Variants in POLDIP3 observed in about 807,000 individuals in gnomAD.
POLDIP3 encodes the protein DNA polymerase delta interacting protein 3.
A neutral mutation model predicts 45.1 loss-of-function variants in POLDIP3; 14 were observed. The observed-to-expected ratio is 0.31, with a 90% CI of 0.20 to 0.49. The LOEUF (loss-of-function observed/expected upper bound fraction) is 0.49, where lower values mean the gene tolerates loss of function less well. Among genes scored for constraint, POLDIP3 ranks in the 20% least tolerant of loss-of-function variants. The pLI is 0.99. For synonymous variants in POLDIP3, 223 were observed against 205.2 expected (o/e 1.09, Z -0.74); for missense variants, 511 against 538.8 (o/e 0.95, Z 0.51).
At chr22:42,589,336 A>C (rs577597317) in intron 7 of POLDIP3, among the ~76,000 whole-genome samples, 1 of 152,354 alleles carries the variant, frequency 6.6e-6, no homozygotes, top group African/African-American at 2.4e-5. Context: ...AGCTATTAGT[A>C]ATATAAAATG....
intron 6 of POLDIP3, among the ~76,000 whole-genome samples, chr22:42,594,755 C>A (rs1925879889): frequency 6.6e-6 from 1 of 152,202 alleles, no homozygotes; most frequent in Non-Finnish European, 1.5e-5. Context: ...ACAGGTTTTG[C>A]CCATGACTGC....
intron 4 of POLDIP3, 125 bp from the exon 5 acceptor site, chr22:42,596,490 G>C: frequency 1.0e-6 from 1 of 984,758 alleles, no homozygotes; most frequent in Non-Finnish European, 1.5e-6. Flanking sequence ...AATTCTATTA[G>C]AGGTCTGGAG....
intron 1 of POLDIP3, among the ~76,000 whole-genome samples, chr22:42,612,300 G>A (rs547623306): frequency 6.6e-6 from 1 of 152,276 alleles, no homozygotes; most frequent in East Asian, 1.9e-4. Flanking sequence ...ACCTAATAAA[G>A]TAGATATTAC....
At chr22:42,593,436 T>C (rs546194485) in intron 6 of POLDIP3, among the ~76,000 whole-genome samples, 1 of 152,356 alleles carries the variant, frequency 6.6e-6, no homozygotes, top group South Asian at 2.1e-4. Flanking sequence ...CACCATTATG[T>C]ATCTTCCAAG....
At chr22:42,607,237 G>C (rs959405335) in intron 1 of POLDIP3, among the ~76,000 whole-genome samples, 2 of 152,326 alleles carry the variant, frequency 1.3e-5, no homozygotes, top group Admixed American at 6.5e-5. Flanking sequence ...TCAGCCTGCC[G>C]AGTGCCTGGG....
At chr22:42,595,695 C>A in intron 5 of POLDIP3, 81 bp from the exon 6 acceptor site, 1 of 1,293,590 alleles carries the variant, frequency 7.7e-7, no homozygotes, top group East Asian at 2.3e-5. Context: ...AGGCACGTGA[C>A]TAGGAAGGCC....
At chr22:42,593,386 A>G (rs572578148) in intron 6 of POLDIP3, among the ~76,000 whole-genome samples, 89 of 152,228 alleles carry the variant, frequency 5.8e-4, no homozygotes, top group African/African-American at 2.0e-3. Flanking sequence ...ATTACTAGCA[A>G]TTTCCCCTGA....
At chr22:42,594,384 G>A (rs1214833243) in intron 6 of POLDIP3, among the ~76,000 whole-genome samples, 2 of 152,150 alleles carry the variant, frequency 1.3e-5, no homozygotes, top group East Asian at 1.9e-4. Context: ...AGTGGCAGGC[G>A]CCTCTAATCC....
At position 42,603,074 on chromosome 22, in the gene POLDIP3, G is replaced by A. The variant is rs756805906; in HGVS notation, c.146C>T (p.Thr49Ile). 5 of 1,614,070 alleles carry A rather than the reference G, an allele frequency of 3.1e-6. No individual in the cohort carries two copies. The Admixed American group carries it at 5.0e-5, about 16-fold the overall frequency. Residue 49 changes from threonine (T) to isoleucine (I), a missense_variant, in exon 2 of 9, where the codon ACC (threonine) becomes ATC (isoleucine). Physicochemically the swap from Thr to Ile is moderately conservative, Grantham distance 89. Transcript: ENST00000252115. Reference protein sequence around the residue: ...GLLSQSTRTATFQQRFDARQK... With the variant: ...GLLSQSTRTAIFQQRFDARQK... ...CCGGGCATCAAATCTCTGCTGGAAG[G>A]TGGCTGTGCGTGTTGACTGGCTGAG...
At position 42,610,253 on chromosome 22, in the gene POLDIP3, G is replaced by A. The variant is rs147611733; in HGVS notation, c.59+4546C>T. ...GATGTTTCATTTTAAAACATAATTC[G>A]TTCCCTAGAGTTATGTAATAACTCA... On this transcript the variant is annotated intron_variant, in intron 1 of 8. Transcript: ENST00000252115. Among the ~76,000 whole-genome samples the A allele has an allele frequency of 6.9e-3, 1,058 of 152,250 alleles. 13 individuals carry two copies. Among genetic ancestry groups the A allele is most frequent in the African/African-American group, 0.024 (1,009 of 41,526 alleles).
rs369338847 is a variant in POLDIP3 at position 42,596,297 on chromosome 22, A to G, written c.702T>C (p.Asp234=). 6.2e-7 allele frequency: 1 copy of G among 1,614,104 alleles called. No homozygotes were observed. The highest frequency in any genetic ancestry group is 1.1e-5 in the South Asian group (1 of 91,080). Residue 234 remains aspartate, a synonymous_variant, in exon 5 of 9, where the codon GAT becomes GAC. Transcript: ENST00000252115. Reference sequence around the variant, plus strand: ...AAGGGAGAGCAGGAGCTGTGTATGCATCATTCTGAACCACTTTGGTGAGAG... The same window carrying G: ...AAGGGAGAGCAGGAGCTGTGTATGCGTCATTCTGAACCACTTTGGTGAGAG... ...ALPLTKVVQN[D]AYTAPALPSS...
chr22:42,602,118 G>A (rs747636841), intron 2 of POLDIP3, 62 bp from the exon 3 acceptor site: 20 of 1,610,350 alleles, frequency 1.2e-5, no homozygotes, highest in African/African-American at 5.3e-5. Flanking sequence ...CTAGAAGAAG[G>A]GGGTTACTGA....
intron 1 of POLDIP3, among the ~76,000 whole-genome samples, chr22:42,609,901 G>A (rs1044382919): frequency 6.6e-6 from 1 of 152,186 alleles, no homozygotes; most frequent in Non-Finnish European, 1.5e-5. Context: ...GCTGGGCGAG[G>A]TGGCTCACGC....
intron 5 of POLDIP3, among the ~76,000 whole-genome samples, 176 bp from the exon 6 acceptor site, chr22:42,595,790 A>G (rs1188778659): frequency 6.6e-6 from 1 of 152,136 alleles, no homozygotes; most frequent in Non-Finnish European, 1.5e-5. Context: ...CTATGCTAAA[A>G]GCATGGACCC....
chr22:42,601,465 T>G (rs991609957), intron 3 of POLDIP3, among the ~76,000 whole-genome samples: 2 of 151,920 alleles, frequency 1.3e-5, no homozygotes, highest in African/African-American at 2.4e-5. Flanking sequence ...CTTCCTCTAT[T>G]AAGAAGTTTC....
At chr22:42,595,841 C>CCT (rs1925951462) in intron 5 of POLDIP3, among the ~76,000 whole-genome samples, 1 of 152,236 alleles carries the variant, frequency 6.6e-6, no homozygotes, top group South Asian at 2.1e-4. Context: ...AGGCCCTGAG[C>CCT]CTCTACCTGG....
intron 4 of POLDIP3, chr22:42,597,780 C>CTTTTTTTTTTTTTT: frequency 2.6e-6 from 1 of 391,966 alleles, no homozygotes; most frequent in Non-Finnish European, 5.0e-6. Flanking sequence ...TTCACGACCT[C>CTTTTTTTTTTTTTT]TTTTTTTTTT....
chr22:42,594,663 A>G (rs1925875369), intron 6 of POLDIP3, among the ~76,000 whole-genome samples: 1 of 152,220 alleles, frequency 6.6e-6, no homozygotes, highest in African/African-American at 2.4e-5. Flanking sequence ...TTTCTAAACT[A>G]ATGGCTCTTT....
At chr22:42,593,148 T>C (rs1199138197) in intron 6 of POLDIP3, among the ~76,000 whole-genome samples, 1 of 152,234 alleles carries the variant, frequency 6.6e-6, no homozygotes, top group Non-Finnish European at 1.5e-5. Context: ...CCAAATACAA[T>C]GTAAATGCTA....
Sources: allele counts gnomAD v4.1 joint callset (sites outside exome capture counted in the v4.1 genomes callset), GRCh38; gene constraint gnomAD v4.1.1; transcripts MANE v1.5; gene names NCBI Gene and HGNC (gene_info 2026-07-23, HGNC 2026-07-21).